MTSS2: variants seen among roughly 807,000 people sequenced by gnomAD.
MTSS2 encodes protein MTSS 2.
Under a neutral mutation model 67.1 loss-of-function variants are expected in MTSS2, and 27 were observed. The ratio of observed to expected loss-of-function variants is 0.40; its 90% CI spans 0.30 to 0.55. MTSS2 has a LOEUF of 0.55. MTSS2 is among the 20% of genes least tolerant of loss of function. MTSS2 has a pLI of 0.43. For synonymous variants in MTSS2, 624 were observed against 468.6 expected (o/e 1.33, Z -4.28); for missense variants, 1,171 against 1,067.8 (o/e 1.10, Z -1.35).
chr16:70,683,165 T>C (rs1048412309), intron 1 of MTSS2, among the ~76,000 whole-genome samples: 42 of 152,282 alleles, frequency 2.8e-4, no homozygotes, highest in African/African-American at 9.9e-4. Flanking sequence ...GTGGCTGTGG[T>C]TCAGATGTGG....
At position 70,668,177 on chromosome 16, in the gene MTSS2, C is replaced by G. The variant is rs150253505; in HGVS notation, c.1054-2637G>C. 3.4e-3 allele frequency among the ~76,000 whole-genome samples: 513 copies of G among 152,106 alleles called. 3 individuals carry two copies. Among genetic ancestry groups the G allele is most frequent in the African/African-American group, 0.012 (484 of 41,506 alleles). ...CCTATAATCCCAGCAATTTGGGAGG[C>G]TGAGGTGGGTGGATTGCTTGAGAGT... On this transcript the variant is annotated intron_variant, in intron 11 of 14. Coordinates refer to ENST00000338779, the MANE Select transcript of MTSS2 (RefSeq NM_138383.3).
chr16:70,669,779 T>A (rs1166608723), intron 11 of MTSS2, among the ~76,000 whole-genome samples: 1 of 147,144 alleles, frequency 6.8e-6, no homozygotes, highest in Non-Finnish European at 1.5e-5. Flanking sequence ...ATCATGCCAC[T>A]GCACTCCAGC....
intron 8 of MTSS2, 114 bp from the exon 9 acceptor site, chr16:70,678,013 C>A: frequency 9.9e-7 from 1 of 1,009,130 alleles, no homozygotes. Context: ...CCCCTCCTCG[C>A]TAACCAATGC....
intron 1 of MTSS2, among the ~76,000 whole-genome samples, chr16:70,684,104 C>T (rs1260667966): frequency 6.6e-6 from 1 of 152,224 alleles, no homozygotes; most frequent in African/African-American, 2.4e-5. Context: ...TGTCCTAGTC[C>T]ACTTCCACGA....
Position 70,665,455 on chromosome 16 carries a change from G to T in MTSS2, c.1128+11C>A. ...TGGTGACTGTCCTGGGGCCGGGCTGGGAGCACTGACCGAGGTGGGGGAGCT... is the reference window on the plus strand; with the variant it reads ...TGGTGACTGTCCTGGGGCCGGGCTGTGAGCACTGACCGAGGTGGGGGAGCT... On this transcript the variant is annotated intron_variant, in intron 12 of 14. Coordinates refer to ENST00000338779, the MANE Select transcript of MTSS2 (RefSeq NM_138383.3). 6.4e-7 allele frequency: 1 copy of T among 1,552,014 alleles called. No individual in the cohort carries two copies. The highest frequency in any genetic ancestry group is 2.4e-5 in the East Asian group (1 of 41,334).
At chr16:70,665,228 G>A (rs1456537181) in intron 12 of MTSS2, 132 bp from the exon 13 acceptor site, 1 of 1,102,062 alleles carries the variant, frequency 9.1e-7, no homozygotes, top group Admixed American at 2.7e-5. Flanking sequence ...CACAGCCAAG[G>A]GCAGAGCATG....
rs768629755 is a variant in MTSS2, at chr16:70,664,115, G to A, written c.1806C>T (p.Pro602=). Residue 602 remains proline (P), a synonymous_variant, in exon 15 of 15, where the codon CCC becomes CCT. Coordinates refer to ENST00000338779, the MANE Select transcript of MTSS2 (RefSeq NM_138383.3). ...PVKTPTVPDS[P]GYMGPTRAGS... ...CCGCCCGTGTGGGCCCCATGTAGCC[G>A]GGGGAGTCAGGCACCGTGGGCGTCT... 2.2e-4 allele frequency: 348 copies of A among 1,611,240 alleles called. 1 individual carries two copies. The highest frequency in any genetic ancestry group is 2.8e-4 in the Non-Finnish European group (327 of 1,179,676).
At chr16:70,682,252 C>T (rs933208537) in intron 1 of MTSS2, among the ~76,000 whole-genome samples, 2 of 152,172 alleles carry the variant, frequency 1.3e-5, no homozygotes, top group Non-Finnish European at 2.9e-5. Context: ...TGTGGGTGGG[C>T]TGTTCCCAAA....
Position 70,661,700 on chromosome 16 carries a change from TCA to T in MTSS2, c.*1975_*1976del, listed in dbSNP as rs1425328862. 1.7e-5 allele frequency: 4 copies of T among 233,950 alleles called. No homozygotes were observed. The East Asian group carries it at 5.8e-4, about 34-fold the overall frequency. 14.5% of individuals were successfully genotyped at this position (233,950 alleles called of 1,614,324 possible). On this transcript the variant is annotated 3_prime_UTR_variant, in exon 15 of 15. Transcript: ENST00000338779. ...GTAGAGTATGTACAGCCCCCGGGGC[TCA>T]CAGGGGAGGGGGACGGCGGAGTCGG...
At position 70,664,382 on chromosome 16, in the gene MTSS2, C is replaced by A; in HGVS notation, c.1539G>T (p.Lys513Asn). The A allele has an allele frequency of 6.3e-7, 1 of 1,576,826 alleles. No individual in the cohort carries two copies. The highest frequency in any genetic ancestry group is 8.6e-7 in the Non-Finnish European group (1 of 1,165,662). Residue 513 changes from lysine to asparagine, a missense_variant, in exon 15 of 15, where the codon AAG (lysine) becomes AAT (asparagine). Around this residue, in one of 2 missense-constraint regions of MTSS2, gnomAD observed 924 missense variants for 756.0 expected, o/e 1.22. Transcript: ENST00000338779. ...TGCTGTTGCGCGGGATGGTGGATGACTTGTCAAACTCGGGCGGGCCCTCGC... is the reference window on the plus strand; with the variant it reads ...TGCTGTTGCGCGGGATGGTGGATGAATTGTCAAACTCGGGCGGGCCCTCGC... ...ADSEGPPEFDKSSTIPRNSNI... is the reference protein window; with the variant it reads ...ADSEGPPEFDNSSTIPRNSNI...
In MTSS2 at chr16:70,661,697, G is replaced by C. The variant is rs1170232658; in HGVS notation, c.*1980C>G. On this transcript the variant is annotated 3_prime_UTR_variant, in exon 15 of 15. Transcript: ENST00000338779. ...GGAGTAGAGTATGTACAGCCCCCGG[G>C]GCTCACAGGGGAGGGGGACGGCGGA... is the stretch of plus-strand genomic sequence containing the variant. 1 of 246,884 alleles carries C rather than the reference G, an allele frequency of 4.1e-6. No individual in the cohort carries two copies. The highest frequency in any genetic ancestry group is 2.3e-5 in the African/African-American group (1 of 42,930). The allele number at this position is 246,884 out of a possible 1,614,324, so 15.3% of individuals were successfully genotyped here.
rs144121840 is a variant in MTSS2 at position 70,666,896 on chromosome 16, C to T, written c.1054-1356G>A. On this transcript the variant is annotated intron_variant, in intron 11 of 14. Coordinates refer to ENST00000338779, the MANE Select transcript of MTSS2 (RefSeq NM_138383.3). ...AGGTTGGGAGAAAGACAAGGATGCC[C>T]ACTGTCATCACTCCTATTCAGCACT... Among the ~76,000 whole-genome samples the T allele has an allele frequency of 4.4e-3, 664 of 152,260 alleles. 6 individuals carry two copies. The highest frequency in any genetic ancestry group is 0.015 in the African/African-American group (606 of 41,538).
chr16:70,665,641 G>C (rs1035996560), intron 11 of MTSS2, 101 bp from the exon 12 acceptor site: 2 of 1,034,944 alleles, frequency 1.9e-6, no homozygotes, highest in Admixed American at 2.3e-5. Context: ...GCATGCAGGG[G>C]GGCGGTTCAA....
chr16:70,683,402 G>A (rs1489197635), intron 1 of MTSS2, among the ~76,000 whole-genome samples: 2 of 152,172 alleles, frequency 1.3e-5, no homozygotes, highest in African/African-American at 4.8e-5. Flanking sequence ...CTAACAGTAC[G>A]CAAGCCCTGC....
At chr16:70,680,312 A>C (rs2053263376) in intron 3 of MTSS2, among the ~76,000 whole-genome samples, 1 of 151,842 alleles carries the variant, frequency 6.6e-6, no homozygotes, top group Admixed American at 6.5e-5. Context: ...GGCGCCAAAG[A>C]CCGTTCCAGG....
Position 70,679,566 on chromosome 16 carries a change from C to A in MTSS2, c.457+64G>T, listed in dbSNP as rs2053229685. 14 of 1,495,880 alleles carry A rather than the reference C, an allele frequency of 9.4e-6. No homozygotes were observed. The South Asian group carries it at 1.7e-4, about 18-fold the overall frequency. 92.7% of individuals were successfully genotyped at this position (1,495,880 alleles called of 1,614,324 possible). A position where few individuals can be genotyped will look rare whatever the true frequency, so the allele number is the denominator to read the frequency against. On this transcript the variant is annotated intron_variant, in intron 6 of 14. Coordinates refer to ENST00000338779, the MANE Select transcript of MTSS2 (RefSeq NM_138383.3). ...GGGATGAAGGCTTTGGGGCGCCCCA[C>A]GGGGCGGTGGGGCTGTGGAGCGGGG... is the stretch of plus-strand genomic sequence containing the variant.
chr16:70,665,663 G>C (rs1305782678), intron 11 of MTSS2, 123 bp from the exon 12 acceptor site: 20 of 772,878 alleles, frequency 2.6e-5, no homozygotes, highest in Non-Finnish European at 4.1e-5. Context: ...TCAGCGCCTT[G>C]CCCAGCACCC....
chr16:70,684,445 G>A (rs989044489), intron 1 of MTSS2, among the ~76,000 whole-genome samples: 2 of 152,206 alleles, frequency 1.3e-5, no homozygotes, highest in African/African-American at 4.8e-5. Context: ...CCTCTTCCGG[G>A]GGCAGAGATC....
At chr16:70,682,975 C>T (rs923762842) in intron 1 of MTSS2, among the ~76,000 whole-genome samples, 7 of 152,208 alleles carry the variant, frequency 4.6e-5, no homozygotes, top group Admixed American at 3.9e-4. Context: ...GACTCCCTTA[C>T]AAAGCAGGGA....
Sources: allele counts gnomAD v4.1 joint callset (sites outside exome capture counted in the v4.1 genomes callset), GRCh38; gene constraint gnomAD v4.1.1; regional missense constraint gnomAD v4.1.1; transcripts MANE v1.5; gene names NCBI Gene and HGNC (gene_info 2026-07-23, HGNC 2026-07-21).